The following SLC17A8 variants were observed in gnomAD, a reference collection of about 807,000 sequenced individuals.
SLC17A8 encodes the protein solute carrier family 17 member 8.
Under a neutral mutation model 58.0 loss-of-function variants are expected in SLC17A8, and 31 were observed. That is an observed-to-expected ratio of 0.53 (90% CI 0.40 to 0.72). SLC17A8 has a LOEUF of 0.72. SLC17A8 is among the 30% of genes least tolerant of loss of function. The pLI is 0.00. For missense variants in SLC17A8, 655 were observed against 727.8 expected, an observed-to-expected ratio of 0.90 and a Z score of 1.15; for synonymous variants, 228 against 249.0, an observed-to-expected ratio of 0.92 and a Z score of 0.79.
chr12:100,409,218 C>T (rs1486929380), intron 9 of SLC17A8, among the ~76,000 whole-genome samples: 1 of 152,062 alleles, frequency 6.6e-6, no homozygotes, highest in East Asian at 1.9e-4. Flanking sequence ...CAGAGTCTCA[C>T]TCTGTTGCCC....
At chr12:100,405,389 G>A (rs1195246694) in intron 9 of SLC17A8, among the ~76,000 whole-genome samples, 5 of 152,088 alleles carry the variant, frequency 3.3e-5, no homozygotes, top group Admixed American at 3.3e-4. Flanking sequence ...CATGTCAAAA[G>A]GGACTTTGCA....
chr12:100,419,080 AATGGCTCAAATATTGTT>A (rs2136019432), intron 11 of SLC17A8, among the ~76,000 whole-genome samples: 1 of 152,322 alleles, frequency 6.6e-6, no homozygotes, highest in African/African-American at 2.4e-5. Context: ...TGAGAACTTT[AATGGCTCAAATATTGTT>A]ATGTATCCAA....
At chr12:100,414,053 C>T (rs1952889808) in intron 10 of SLC17A8, among the ~76,000 whole-genome samples, 1 of 152,100 alleles carries the variant, frequency 6.6e-6, no homozygotes. Context: ...GTATATATAT[C>T]ATAACATTGT....
In SLC17A8 at chr12:100,381,173, A is replaced by G. The variant is rs1453804864; in HGVS notation, c.354+220A>G. On this transcript the variant is annotated intron_variant, in intron 2 of 11. Transcript: ENST00000323346. Reference sequence around the variant, plus strand: ...TCTCAGCATCTCAGCATCTCAGATCAGTAGCTGAGACTACAATCCTGAGGA... The same window carrying G: ...TCTCAGCATCTCAGCATCTCAGATCGGTAGCTGAGACTACAATCCTGAGGA... Among the ~76,000 whole-genome samples, 8 of 152,212 alleles carry G rather than the reference A, an allele frequency of 5.3e-5. No homozygotes were observed. The South Asian group carries it at 1.7e-3, about 32-fold the overall frequency.
In SLC17A8 at chr12:100,420,120, C is replaced by T; in HGVS notation, c.1731C>T (p.Ser577=). ...CCCTTGATGAGGAAGAGCTGACATC[C>T]TACCAGAATGAAGAGAGAAACTTCT... ...GATLDEEELT[S]YQNEERNFST... is the part of the protein sequence containing the mutation. Residue 577 remains serine, a synonymous_variant, in exon 12 of 12, where the codon TCC becomes TCT. Coordinates refer to ENST00000323346, the MANE Select transcript of SLC17A8 (RefSeq NM_139319.3). The T allele has an allele frequency of 6.2e-7, 1 of 1,613,854 alleles. No homozygotes were observed. The highest frequency in any genetic ancestry group is 1.1e-5 in the South Asian group (1 of 91,030).
rs911196670 is a variant in SLC17A8, at chr12:100,421,680, T to C, written c.*1521T>C. 3 of 140,678 alleles carry C rather than the reference T, an allele frequency of 2.1e-5. No individual in the cohort carries two copies. Among genetic ancestry groups the C allele is most frequent in the Non-Finnish European group, 3.1e-5 (2 of 63,978 alleles). The allele number at this position is 140,678 out of a possible 1,614,324, so 8.7% of individuals were successfully genotyped here. ...AGTGTTTTTTTTTTTTTTTTTTTTT[T>C]CTAATTTCTCCCACATGTATTTCTG... On this transcript the variant is annotated 3_prime_UTR_variant, in exon 12 of 12. Coordinates refer to ENST00000323346, the MANE Select transcript of SLC17A8 (RefSeq NM_139319.3).
chr12:100,393,179 G>C (rs1335856128), intron 3 of SLC17A8, among the ~76,000 whole-genome samples, 190 bp from the exon 4 acceptor site: 4 of 152,140 alleles, frequency 2.6e-5, no homozygotes, highest in Admixed American at 1.3e-4. Flanking sequence ...GGCCAGGCTG[G>C]TCTCAAACTC....
intron 3 of SLC17A8, among the ~76,000 whole-genome samples, chr12:100,392,226 C>T (rs986780744): frequency 2.0e-5 from 3 of 151,112 alleles, no homozygotes; most frequent in African/African-American, 7.3e-5. Context: ...TAAAGCACAA[C>T]TCATTAGATA....
intron 1 of SLC17A8, among the ~76,000 whole-genome samples, chr12:100,362,845 G>A (rs1334635759): frequency 1.3e-5 from 2 of 152,042 alleles, no homozygotes; most frequent in African/African-American, 4.8e-5. Context: ...CTGTTTGCTT[G>A]TCTGATGGGT....
chr12:100,379,004 G>A (rs138912362), intron 1 of SLC17A8, among the ~76,000 whole-genome samples: 5 of 152,274 alleles, frequency 3.3e-5, no homozygotes, highest in Non-Finnish European at 5.9e-5. Context: ...AATATGTCAC[G>A]TTGTCTATTG....
chr12:100,402,834 C>T, intron 8 of SLC17A8, 89 bp downstream of exon 8: 2 of 1,342,076 alleles, frequency 1.5e-6, no homozygotes, highest in Non-Finnish European at 1.0e-6. Context: ...AATTAAATTG[C>T]TGATCATAAT....
chr12:100,412,645 ATAGACAC>A, intron 9 of SLC17A8, 118 bp from the exon 10 acceptor site: 3 of 699,682 alleles, frequency 4.3e-6, no homozygotes, highest in East Asian at 2.7e-5. Flanking sequence ...AAAAAAAAAC[ATAGACAC>A]AAACAAAATA....
At chr12:100,375,496 C>T (rs559355560) in intron 1 of SLC17A8, among the ~76,000 whole-genome samples, 55 of 152,304 alleles carry the variant, frequency 3.6e-4, no homozygotes, top group African/African-American at 1.3e-3. Flanking sequence ...CAGGAAAGAA[C>T]GGCCTCACAT....
rs780922918 is a variant in SLC17A8 at position 100,404,060 on chromosome 12, C to T, written c.1076C>T (p.Pro359Leu). ...CAGGTGGGTCTCTTGTCAGCAGTCC[C>T]ACACATGGTTATGACAATCGTTGTA... ...ISKVGLLSAV[P>L]HMVMTIVVPI... Residue 359 changes from proline (P) to leucine (L), a missense_variant, in exon 9 of 12, where the codon CCA (proline) becomes CTA (leucine). Coordinates refer to ENST00000323346, the MANE Select transcript of SLC17A8 (RefSeq NM_139319.3). 1 of 1,613,978 alleles carries T rather than the reference C, an allele frequency of 6.2e-7. No homozygotes were observed. The highest frequency in any genetic ancestry group is 8.5e-7 in the Non-Finnish European group (1 of 1,180,024).
intron 3 of SLC17A8, among the ~76,000 whole-genome samples, chr12:100,392,909 G>GACT (rs1952726734): frequency 2.0e-5 from 3 of 152,158 alleles, no homozygotes; most frequent in Non-Finnish European, 4.4e-5. Flanking sequence ...GAACCAGGCA[G>GACT]GATGGTAGGT....
Position 100,412,778 on chromosome 12 carries a change from A to G in SLC17A8, c.1195A>G (p.Met399Val). 2 of 1,613,688 alleles carry G rather than the reference A, an allele frequency of 1.2e-6. No individual in the cohort carries two copies. The highest frequency in any genetic ancestry group is 1.7e-6 in the Non-Finnish European group (2 of 1,179,638). Residue 399 changes from methionine (M) to valine (V), a missense_variant, in exon 10 of 12, where the codon ATG becomes GTG. By Grantham distance (21) the Met-to-Val change is conservative. Coordinates refer to ENST00000323346, the MANE Select transcript of SLC17A8 (RefSeq NM_139319.3). ...RKIMNCGGFG[M>V]EATLLLVVGF... Reference sequence around the variant, plus strand: ...GCTGTTTCCATTTGCAGGTTTTGGCATGGAGGCAACCTTACTCCTGGTGGT... The same window carrying G: ...GCTGTTTCCATTTGCAGGTTTTGGCGTGGAGGCAACCTTACTCCTGGTGGT...
In SLC17A8 at chr12:100,404,079, C is replaced by T. The variant is rs112540425; in HGVS notation, c.1095C>T (p.Ile365=). The change falls in exon 9 of 12, where the codon ATC becomes ATT. Residue 365 remains isoleucine, a synonymous_variant. Coordinates refer to ENST00000323346, the MANE Select transcript of SLC17A8 (RefSeq NM_139319.3). ...CAGTCCCACACATGGTTATGACAAT[C>T]GTTGTACCTATTGGAGGACAATTGG... The part of the protein sequence containing the change: ...LSAVPHMVMT[I]VVPIGGQLAD... 2.5e-5 allele frequency: 41 copies of T among 1,614,086 alleles called. 1 individual carries two copies. In the East Asian group the frequency reaches 4.7e-4, roughly 18 times the overall value.
chr12:100,388,103 T>C (rs1455392396), intron 2 of SLC17A8, among the ~76,000 whole-genome samples: 1 of 152,158 alleles, frequency 6.6e-6, no homozygotes, highest in Non-Finnish European at 1.5e-5. Flanking sequence ...AACCCTACCT[T>C]GGGTCCCTTG....
intron 2 of SLC17A8, among the ~76,000 whole-genome samples, chr12:100,385,726 A>G (rs982334167): frequency 3.3e-5 from 5 of 152,228 alleles, no homozygotes; most frequent in African/African-American, 1.2e-4. Context: ...TTGAAGATCA[A>G]ATAAGCTAAC....
Sources: gnomAD v4.1 joint callset for allele counts (sites outside exome capture counted in the v4.1 genomes callset) on GRCh38, gnomAD v4.1.1 for gene constraint, MANE v1.5 for transcripts, NCBI Gene and HGNC (gene_info 2026-07-23, HGNC 2026-07-21) for gene names.